Variants in CEP250 observed in about 807,000 individuals in gnomAD.
CEP250 encodes the protein centrosome-associated protein CEP250.
CEP250 carries 242 observed loss-of-function variants against 315.7 expected under a neutral mutation model. The observed-to-expected ratio is 0.77, with a 90% CI of 0.69 to 0.85. The LOEUF (loss-of-function observed/expected upper bound fraction) is 0.85. CEP250 is among the 40% of genes least tolerant of loss of function. CEP250 has a pLI of 0.00. For missense variants in CEP250, 2,515 were observed against 2,886.4 expected, an observed-to-expected ratio of 0.87 and a Z score of 2.95; for synonymous variants, 1,088 against 1,175.0, an observed-to-expected ratio of 0.93 and a Z score of 1.51.
rs1008760889 is a variant in CEP250, at chr20:35,515,024, C to T, written c.*3398C>T. The T allele has an allele frequency of 1.3e-5, 2 of 152,408 alleles. No homozygotes were observed. Among genetic ancestry groups the T allele is most frequent in the Admixed American group, 6.5e-5 (1 of 15,294 alleles). The allele number at this position is 152,408 out of a possible 1,614,324, so 9.4% of individuals were successfully genotyped here. On this transcript the variant is annotated 3_prime_UTR_variant, in exon 35 of 35. Coordinates refer to ENST00000397527, the MANE Select transcript of CEP250 (RefSeq NM_007186.6). ...CTTCCCACCCTCACCCTTCTGCCCC[C>T]ACCTGAGCACAGTGTGGTGCTCAGT...
chr20:35,493,204 T>C (rs2063745104), intron 22 of CEP250, among the ~76,000 whole-genome samples: 1 of 151,972 alleles, frequency 6.6e-6, no homozygotes, highest in African/African-American at 2.4e-5. Context: ...GGAGACTGTT[T>C]CCATGGTCTA....
intron 10 of CEP250, chr20:35,470,220 A>G (rs1383977282): frequency 2.4e-5 from 14 of 579,668 alleles, no homozygotes; most frequent in Non-Finnish European, 4.3e-5. Context: ...GCAATGGCAT[A>G]TGTATGCAGT....
rs200981933 is a variant in CEP250 at position 35,490,955 on chromosome 20, G to A, written c.2754+151G>A. On this transcript the variant is annotated intron_variant, in intron 21 of 34. Transcript: ENST00000397527. The stretch of plus-strand genomic sequence containing the variant: ...TTGCTAACAGTGAGCAGGGTGGTCC[G>A]CACCATTAGCCACAGTTCCGGCAGT... 93 of 905,672 alleles carry A rather than the reference G, an allele frequency of 1.0e-4. No homozygotes were observed. The East Asian group carries it at 1.9e-3, about 18-fold the overall frequency. 56.1% of individuals were successfully genotyped at this position (905,672 alleles called of 1,614,324 possible). A position where few individuals can be genotyped will look rare whatever the true frequency, so the allele number is the denominator to read the frequency against.
chr20:35,475,621 C>T lies in CEP250; in HGVS notation c.1691C>T (p.Thr564Met), dbSNP rs757589095. Residue 564 changes from threonine (T) to methionine (M), a missense_variant, in exon 15 of 35, where the codon ACG becomes ATG. Thr to Met is a moderately conservative substitution (Grantham distance 81, BLOSUM62 -1). Coordinates refer to ENST00000397527, the MANE Select transcript of CEP250 (RefSeq NM_007186.6). ...LEGELLRQEQTEVTAALARAE... is the reference protein window; with the variant it reads ...LEGELLRQEQMEVTAALARAE... ...GGGGAGTTACTGAGGCAAGAGCAAACGGAAGTGACCGCAGCGCTGGCTAGG... is the reference window on the plus strand; with the variant it reads ...GGGGAGTTACTGAGGCAAGAGCAAATGGAAGTGACCGCAGCGCTGGCTAGG... 1.2e-5 allele frequency: 20 copies of T among 1,613,848 alleles called. No individual in the cohort carries two copies. The highest frequency in any genetic ancestry group is 8.8e-5 in the South Asian group (8 of 91,072).
chr20:35,461,807 A>G (rs1450103234), intron 3 of CEP250, among the ~76,000 whole-genome samples: 1 of 152,240 alleles, frequency 6.6e-6, no homozygotes, highest in Non-Finnish European at 1.5e-5. Context: ...ACTTAAAGCA[A>G]CAGCCCTCCA....
Position 35,473,942 on chromosome 20 carries a change from G to C in CEP250, c.1461G>C (p.Trp487Cys), listed in dbSNP as rs778159527. 1.9e-6 allele frequency: 3 copies of C among 1,612,512 alleles called. No individual in the cohort carries two copies. ...TGGAGGTGCTAGAGCAGGAGGCATG[G>C]CGCCTGCGAAGGGTAAATGTGGAGC... ...QQLEVLEQEA[W>C]RLRRVNVELQ... The change falls in exon 14 of 35, where the codon TGG (tryptophan) becomes TGC (cysteine). Residue 487 changes from tryptophan (W) to cysteine (C), a missense_variant. By Grantham distance (215) the Trp-to-Cys change is radical. Coordinates refer to ENST00000397527, the MANE Select transcript of CEP250 (RefSeq NM_007186.6).
At position 35,479,907 on chromosome 20, in the gene CEP250, A is replaced by G. The variant is rs1343923149; in HGVS notation, c.2417-69A>G. ...TGAGATGGGAGTTGCTCATGAGGTC[A>G]GGGGAGAGGGAGAATTTTATTAGGT... On this transcript the variant is annotated intron_variant, in intron 19 of 34. Transcript: ENST00000397527. 4 of 1,597,082 alleles carry G rather than the reference A, an allele frequency of 2.5e-6. No homozygotes were observed. The African/African-American group carries it at 5.4e-5, about 21-fold the overall frequency.
rs1366199345 is a variant in CEP250, at chr20:35,508,951, A to T, written c.6915A>T (p.Arg2305=). The change falls in exon 33 of 35, where the codon CGA becomes CGT. Residue 2305 remains arginine (R), a synonymous_variant. Transcript: ENST00000397527. ...TATTTGCACCTTGGCAGGTGGAGCG[A>T]GAACGGAGGAAGCTGAAGAGGGAGG... ...QLRSTLEQVE[R]ERRKLKREAM... 1 of 1,553,784 alleles carries T rather than the reference A, an allele frequency of 6.4e-7. No homozygotes were observed. Among genetic ancestry groups the T allele is most frequent in the Admixed American group, 1.9e-5 (1 of 51,284 alleles).
At position 35,493,498 on chromosome 20, in the gene CEP250, C is replaced by A. The variant is rs371312449; in HGVS notation, c.2959C>A (p.His987Asn). The A allele has an allele frequency of 6.2e-7, 1 of 1,610,084 alleles. No homozygotes were observed. Among genetic ancestry groups the A allele is most frequent in the Admixed American group, 1.7e-5 (1 of 59,398 alleles). The change falls in exon 23 of 35, where the codon CAC becomes AAC. Residue 987 changes from histidine to asparagine, a missense_variant. Transcript: ENST00000397527. ...GGAGCTGAAGGAGGCAGCCCGGCAGCACAGAGATGACCTTGCTGCCCTCCA... is the reference window on the plus strand; with the variant it reads ...GGAGCTGAAGGAGGCAGCCCGGCAGAACAGAGATGACCTTGCTGCCCTCCA... ...QRELKEAARQ[H>N]RDDLAALQEE...
chr20:35,501,521 A>G (rs1027563837), intron 28 of CEP250, among the ~76,000 whole-genome samples: 6 of 152,066 alleles, frequency 3.9e-5, no homozygotes, highest in Non-Finnish European at 8.8e-5. Context: ...GGCTAGAAGG[A>G]ACCTCCAGTG....
In CEP250 at chr20:35,511,978, T is replaced by G. The variant is rs2064374982; in HGVS notation, c.*352T>G. 9.3e-7 allele frequency: 1 copy of G among 1,070,464 alleles called. No homozygotes were observed. Among genetic ancestry groups the G allele is most frequent in the Non-Finnish European group, 1.1e-6 (1 of 884,334 alleles). The allele number at this position is 1,070,464 out of a possible 1,614,324, so 66.3% of individuals were successfully genotyped here. A position where few individuals can be genotyped will look rare whatever the true frequency, so the allele number is the denominator to read the frequency against. ...AACCCTGGGATCTTTGCATTCATTTTCTGCTGCTGTCTCCACTTGTGCAGC... is the reference window on the plus strand; with the variant it reads ...AACCCTGGGATCTTTGCATTCATTTGCTGCTGCTGTCTCCACTTGTGCAGC... On this transcript the variant is annotated 3_prime_UTR_variant, in exon 35 of 35. Transcript: ENST00000397527.
intron 24 of CEP250, among the ~76,000 whole-genome samples, chr20:35,495,627 T>C (rs2063815193): frequency 6.6e-6 from 1 of 152,138 alleles, no homozygotes; most frequent in African/African-American, 2.4e-5. Context: ...GGTGGGTGCC[T>C]GTAATGCCAG....
intron 26 of CEP250, 53 bp from the exon 27 acceptor site, chr20:35,498,542 C>CCA: frequency 6.3e-7 from 1 of 1,595,986 alleles, no homozygotes; most frequent in East Asian, 2.3e-5. Flanking sequence ...AGAGGTCTGG[C>CCA]TGTTTCTTTT....
intron 23 of CEP250, 73 bp from the exon 24 acceptor site, chr20:35,494,451 G>C: frequency 6.3e-7 from 1 of 1,591,354 alleles, no homozygotes; most frequent in Non-Finnish European, 8.6e-7. Flanking sequence ...GGACCCTGAA[G>C]CCCTAGGTGA....
chr20:35,481,934 A>G (rs1467978796), intron 20 of CEP250, among the ~76,000 whole-genome samples: 1 of 152,054 alleles, frequency 6.6e-6, no homozygotes, highest in Non-Finnish European at 1.5e-5. Context: ...TCCTGGGCTC[A>G]AGCGATCCAC....
intron 30 of CEP250, among the ~76,000 whole-genome samples, chr20:35,507,073 G>A (rs1362851630): frequency 6.6e-6 from 1 of 152,178 alleles, no homozygotes; most frequent in Non-Finnish European, 1.5e-5. Context: ...ACTGGAATGA[G>A]GTCTGAGTCA....
chr20:35,496,715 G>A lies in CEP250; in HGVS notation c.3306G>A (p.Gln1102=). The A allele has an allele frequency of 6.2e-7, 1 of 1,612,340 alleles. No individual in the cohort carries two copies. Among genetic ancestry groups the A allele is most frequent in the Non-Finnish European group, 8.5e-7 (1 of 1,179,450 alleles). The change falls in exon 25 of 35, where the codon CAG becomes CAA. Residue 1102 remains glutamine, a splice_region_variant and synonymous_variant. Transcript: ENST00000397527. The stretch of plus-strand genomic sequence containing the variant: ...GAGAACAGAAAGAGCTCAGTGCTCA[G>A]GTACTTCCCACTCTGGTTATGAGCT... ...AQGEQKELSA[Q]MELLRQEVKE...
intron 30 of CEP250, among the ~76,000 whole-genome samples, chr20:35,505,895 T>A (rs2064173826): frequency 6.6e-6 from 1 of 151,978 alleles, no homozygotes. Context: ...CAGATGAAGT[T>A]TTTGCAGCAG....
At position 35,517,170 on chromosome 20, in the gene CEP250, C is replaced by A; in HGVS notation, c.*5544C>A. 1 of 263,920 alleles carries A rather than the reference C, an allele frequency of 3.8e-6. No homozygotes were observed. The highest frequency in any genetic ancestry group is 5.9e-6 in the Non-Finnish European group (1 of 169,964). The allele number at this position is 263,920 out of a possible 1,614,324, so 16.3% of individuals were successfully genotyped here. A position where few individuals can be genotyped will look rare whatever the true frequency, so the allele number is the denominator to read the frequency against. ...TGGACCTATTCAGTCCTCAAGGGTG[C>A]CCTGCTAAAGGCTGGGCTGAAAGCT... On this transcript the variant is annotated 3_prime_UTR_variant, in exon 35 of 35. Coordinates refer to ENST00000397527, the MANE Select transcript of CEP250 (RefSeq NM_007186.6).
Sources: gnomAD v4.1 joint callset for allele counts (sites outside exome capture counted in the v4.1 genomes callset) on GRCh38, gnomAD v4.1.1 for gene constraint, MANE v1.5 for transcripts, NCBI Gene and HGNC (gene_info 2026-07-23, HGNC 2026-07-21) for gene names.